DLG3: variants seen among roughly 807,000 people sequenced by gnomAD.
DLG3 encodes the protein disks large homolog 3.
DLG3 carries 1 observed loss-of-function variant against 64.1 expected under a neutral mutation model. That is an observed-to-expected ratio of 0.02 (90% confidence interval 0.01 to 0.07). The LOEUF is 0.07. Ranked by LOEUF, DLG3 falls within the 10% of genes least tolerant of loss-of-function variation. The probability of loss-of-function intolerance (pLI) is 1.00; values close to 1 mark genes in which losing one functional copy is unlikely to be tolerated. For synonymous variants in DLG3, 245 were observed against 259.8 expected, an observed-to-expected ratio of 0.94 and a Z score of 0.55; for missense variants, 429 against 669.5, an observed-to-expected ratio of 0.64 and a Z score of 3.96.
chrX:70,459,159 G>C lies in DLG3; in HGVS notation c.1405+4843G>C, dbSNP rs574737071. On this transcript the variant is annotated intron_variant, in intron 9 of 18. Transcript: ENST00000374360. ...AAAAACAGGAGGTGAGCCAGAAATTGGTCATTAAGGTAGCTTAACTGGGAA... is the reference window on the plus strand; with the variant it reads ...AAAAACAGGAGGTGAGCCAGAAATTCGTCATTAAGGTAGCTTAACTGGGAA... 1.9e-4 allele frequency among the ~76,000 whole-genome samples: 21 copies of C among 111,968 alleles called. No individual in the cohort carries two copies. The South Asian group carries it at 6.4e-3, about 34-fold the overall frequency.
intron 10 of DLG3, among the ~76,000 whole-genome samples, chrX:70,486,672 TG>T (rs2087260657): frequency 1.1e-5 from 1 of 91,744 alleles, no homozygotes; most frequent in African/African-American, 4.0e-5. Flanking sequence ...TTTTTTTTCA[TG>T]CTCACTCTAA....
At position 70,492,093 on chromosome X, in the gene DLG3, A is replaced by C; in HGVS notation, c.1521-14A>C. The C allele has an allele frequency of 8.5e-7, 1 of 1,170,281 alleles. No individual in the cohort carries two copies. Among genetic ancestry groups the C allele is most frequent in the Non-Finnish European group, 1.1e-6 (1 of 874,756 alleles). ...GGGTTGGATGATCACTTCATCTTTC[A>C]CTGTGCCTTTCAGGGCCCTGTTTGA... On this transcript the variant is annotated splice_polypyrimidine_tract_variant and intron_variant, in intron 10 of 18. Coordinates refer to ENST00000374360, the MANE Select transcript of DLG3 (RefSeq NM_021120.4).
At chrX:70,471,657 T>A (rs1390366194) in intron 9 of DLG3, among the ~76,000 whole-genome samples, 1 of 111,527 alleles carries the variant, frequency 9.0e-6, no homozygotes, top group Non-Finnish European at 1.9e-5. Flanking sequence ...CTTTTCCATG[T>A]CTCCAAGGAA....
In DLG3 at chrX:70,498,445, G is replaced by C. The variant is rs777375826; in HGVS notation, c.1820-75G>C. 11 of 1,043,168 alleles carry C rather than the reference G, an allele frequency of 1.1e-5. 1 individual carries two copies. In the African/African-American group the frequency reaches 2.0e-4, roughly 19 times the overall value. 86.0% of individuals were successfully genotyped at this position (1,043,168 alleles called of 1,213,427 possible). ...ACCTGATAAGGCTGTGTCCTGGCAG[G>C]GGAGGGGTACGGGGAGTACTGTACA... On this transcript the variant is annotated intron_variant, in intron 13 of 18. Coordinates refer to ENST00000374360, the MANE Select transcript of DLG3 (RefSeq NM_021120.4).
intron 1 of DLG3, 25 bp from the exon 2 acceptor site, chrX:70,448,888 G>A: frequency 8.3e-7 from 1 of 1,206,062 alleles, no homozygotes; most frequent in Non-Finnish European, 1.1e-6. Context: ...GGGGCACTAA[G>A]GGAACTGCCT....
intron 10 of DLG3, among the ~76,000 whole-genome samples, chrX:70,491,244 C>G (rs2087353588): frequency 8.9e-6 from 1 of 111,987 alleles, no homozygotes; most frequent in African/African-American, 3.2e-5. Flanking sequence ...TCACTCCTCT[C>G]AGATTTCCAG....
At chrX:70,476,017 G>GCC (rs1414894903) in intron 9 of DLG3, among the ~76,000 whole-genome samples, 1 of 111,567 alleles carries the variant, frequency 9.0e-6, no homozygotes, top group African/African-American at 3.3e-5. Context: ...AGATTCCTGG[G>GCC]CCCCTGCTCA....
chrX:70,457,488 A>T (rs978324142), intron 9 of DLG3, among the ~76,000 whole-genome samples: 4 of 111,825 alleles, frequency 3.6e-5, no homozygotes, highest in African/African-American at 1.3e-4. Flanking sequence ...GAGGTAAGTC[A>T]TTTACCATAC....
chrX:70,482,660 G>T (rs867807002), intron 10 of DLG3, among the ~76,000 whole-genome samples: 32 of 69,238 alleles, frequency 4.6e-4, no homozygotes, highest in African/African-American at 1.9e-3. Context: ...TACATGTGTG[G>T]TGTTTTTTTT....
chrX:70,504,301 C>T lies in DLG3; in HGVS notation c.*2032C>T, dbSNP rs1482563566. The T allele has an allele frequency of 8.9e-6, 1 of 112,407 alleles. No individual in the cohort carries two copies. Among genetic ancestry groups the T allele is most frequent in the Non-Finnish European group, 1.9e-5 (1 of 53,192 alleles). The allele number at this position is 112,407 out of a possible 1,213,427, so 9.3% of individuals were successfully genotyped here. A position where few individuals can be genotyped will look rare whatever the true frequency, so the allele number is the denominator to read the frequency against. ...ACAAAGATTCAAAGTAAGCATGATA[C>T]TAGTGGGTTTACCAGTGTTTCTTCC... is the stretch of plus-strand genomic sequence containing the variant. On this transcript the variant is annotated 3_prime_UTR_variant, in exon 19 of 19. Coordinates refer to ENST00000374360, the MANE Select transcript of DLG3 (RefSeq NM_021120.4).
chrX:70,501,576 T>A (rs1321697195), intron 18 of DLG3, among the ~76,000 whole-genome samples: 1 of 111,456 alleles, frequency 9.0e-6, no homozygotes, highest in African/African-American at 3.3e-5. Context: ...GACACTAGGT[T>A]AACTGTGTAA....
chrX:70,461,842 G>A (rs1263188093), intron 9 of DLG3, among the ~76,000 whole-genome samples: 1 of 111,767 alleles, frequency 8.9e-6, no homozygotes, highest in East Asian at 2.8e-4. Context: ...TTATAGGCAT[G>A]AGCCACCATG....
intron 6 of DLG3, 69 bp from the exon 7 acceptor site, chrX:70,451,798 G>C: frequency 1.7e-6 from 2 of 1,163,743 alleles, no homozygotes; most frequent in Non-Finnish European, 2.3e-6. Flanking sequence ...GTGGGGGAAA[G>C]TCCTTGAGGA....
intron 13 of DLG3, among the ~76,000 whole-genome samples, chrX:70,496,741 G>A (rs1333158668): frequency 3.6e-5 from 4 of 112,621 alleles, no homozygotes; most frequent in Non-Finnish European, 5.6e-5. Context: ...GTTGTGGAGT[G>A]CCACATGGTT....
rs538452907 is a variant in DLG3 at position 70,494,931 on chromosome X, C to T, written c.1774-477C>T. On this transcript the variant is annotated intron_variant, in intron 12 of 18. Transcript: ENST00000374360. ...AGGTGATGGCAATTCTATCTGCCTA[C>T]CTGGCACACGCGGACATTTGCTCTT... is the stretch of plus-strand genomic sequence containing the variant. Among the ~76,000 whole-genome samples, 123 of 112,541 alleles carry T rather than the reference C, an allele frequency of 1.1e-3. No homozygotes were observed. In the South Asian group the frequency reaches 0.019, roughly 18 times the overall value.
rs148637770 is a variant in DLG3, at chrX:70,447,008, T to C, written c.357+1450T>C. Among the ~76,000 whole-genome samples the C allele has an allele frequency of 2.8e-4, 32 of 112,348 alleles. No individual in the cohort carries two copies. In the East Asian group the frequency reaches 8.5e-3, roughly 30 times the overall value. On this transcript the variant is annotated intron_variant, in intron 1 of 18. Coordinates refer to ENST00000374360, the MANE Select transcript of DLG3 (RefSeq NM_021120.4). The stretch of plus-strand genomic sequence containing the variant: ...CATCCCTTGCCTTGGCCTCTTGCCC[T>C]TTCCAGCGAGTCCCTCTCTCTCCTT...
intron 11 of DLG3, 84 bp from the exon 12 acceptor site, chrX:70,492,437 A>C: frequency 8.8e-7 from 1 of 1,134,412 alleles, no homozygotes; most frequent in Non-Finnish European, 1.2e-6. Context: ...CAGTGAGCCA[A>C]AAAAATGGCT....
At chrX:70,460,053 G>A (rs906764994) in intron 9 of DLG3, among the ~76,000 whole-genome samples, 7 of 110,986 alleles carry the variant, frequency 6.3e-5, no homozygotes, top group Non-Finnish European at 7.5e-5. Context: ...TGGAGGCCAA[G>A]GTGGGTGGAT....
At chrX:70,496,662 G>A (rs1430779375) in intron 13 of DLG3, among the ~76,000 whole-genome samples, 1 of 112,359 alleles carries the variant, frequency 8.9e-6, no homozygotes, top group Admixed American at 9.4e-5. Flanking sequence ...GGAAGGCTGG[G>A]GAGCCCACCG....
Sources: allele counts gnomAD v4.1 joint callset (sites outside exome capture counted in the v4.1 genomes callset), GRCh38; gene constraint gnomAD v4.1.1; transcripts MANE v1.5; gene names NCBI Gene and HGNC (gene_info 2026-07-23, HGNC 2026-07-21).